Variants in ABCC1 observed in about 807,000 individuals in gnomAD.
ABCC1 encodes multidrug resistance-associated protein 1.
ABCC1 carries 83 observed loss-of-function variants against 172.9 expected under a neutral mutation model. That is an observed-to-expected ratio of 0.48 (90% confidence interval 0.40 to 0.58). The LOEUF (loss-of-function observed/expected upper bound fraction) is 0.58. ABCC1 is among the 20% of genes least tolerant of loss of function. The pLI is 0.00. For missense variants in ABCC1, 1,817 were observed against 2,002.7 expected (o/e 0.91, Z 1.77); for synonymous variants, 937 against 825.2 (o/e 1.14, Z -2.32).
chr16:16,104,989 G>A (rs943320983), intron 20 of ABCC1, among the ~76,000 whole-genome samples: 12 of 151,710 alleles, frequency 7.9e-5, no homozygotes, highest in Non-Finnish European at 1.6e-4. Context: ...GTGCAGCTCC[G>A]GTTCCCTCCC....
intron 7 of ABCC1, among the ~76,000 whole-genome samples, chr16:16,038,067 T>TGGATG (rs1241973617): frequency 2.7e-5 from 4 of 147,962 alleles, no homozygotes; most frequent in African/African-American, 1.0e-4. Context: ...GATGGATAGA[T>TGGATG]GATAGATAGA....
At chr16:16,122,484 T>C (rs2045212498) in intron 24 of ABCC1, among the ~76,000 whole-genome samples, 1 of 151,542 alleles carries the variant, frequency 6.6e-6, no homozygotes, top group Non-Finnish European at 1.5e-5. Flanking sequence ...GACTCTGCTA[T>C]TGAGTATCTT....
chr16:16,008,017 TGG>T, intron 2 of ABCC1, 25 bp downstream of exon 2: 1 of 482,704 alleles, frequency 2.1e-6, no homozygotes, highest in Non-Finnish European at 3.8e-6. Context: ...GGTTTCGTTG[TGG>T]GGGGTGGGAA....
Position 16,111,612 on chromosome 16 carries a change from A to AT in ABCC1, c.3079+33dup, listed in dbSNP as rs1567417828. The AT allele has an allele frequency of 8.2e-6, 13 of 1,589,696 alleles. No individual in the cohort carries two copies. The South Asian group carries it at 8.9e-5, about 11-fold the overall frequency. ...GTGCCGCTGTCTCCCACCCCGCCTG[A>AT]TTTGGGCCCCTGTTGTGGCTTTGTC... On this transcript the variant is annotated intron_variant, in intron 22 of 30. Transcript: ENST00000399410.
chr16:16,055,230 C>CA (rs572595909), intron 11 of ABCC1, among the ~76,000 whole-genome samples: 73 of 147,448 alleles, frequency 5.0e-4, no homozygotes, highest in Admixed American at 8.1e-4. Context: ...ATGATGTTTC[C>CA]AAAAAAAAAG....
chr16:16,089,581 G>C (rs1197319679), intron 18 of ABCC1, among the ~76,000 whole-genome samples: 1 of 151,316 alleles, frequency 6.6e-6, no homozygotes, highest in African/African-American at 2.4e-5. Flanking sequence ...AAAAAATTAA[G>C]CCATTGGGCT....
chr16:16,106,094 C>G (rs2052085612), intron 20 of ABCC1, among the ~76,000 whole-genome samples: 1 of 151,984 alleles, frequency 6.6e-6, no homozygotes, highest in Admixed American at 6.6e-5. Flanking sequence ...CCAGGCTAGT[C>G]TTGAACTCCT....
chr16:16,088,866 G>A (rs771725025), intron 18 of ABCC1, among the ~76,000 whole-genome samples: 3 of 152,006 alleles, frequency 2.0e-5, no homozygotes, highest in Non-Finnish European at 2.9e-5. Flanking sequence ...ACCATGCCTG[G>A]CTAATTTATT....
chr16:15,991,404 T>C (rs1190678322), intron 1 of ABCC1, among the ~76,000 whole-genome samples: 4 of 152,108 alleles, frequency 2.6e-5, no homozygotes, highest in Non-Finnish European at 5.9e-5. Context: ...ATTCTTGCAA[T>C]ATACATGAAA....
chr16:16,099,531 C>T (rs1185660496), intron 19 of ABCC1, among the ~76,000 whole-genome samples: 2 of 152,128 alleles, frequency 1.3e-5, no homozygotes, highest in Non-Finnish European at 2.9e-5. Flanking sequence ...GGAAGGATAC[C>T]AGGTAACTCA....
At chr16:16,031,426 C>T (rs983253930) in intron 5 of ABCC1, among the ~76,000 whole-genome samples, 1 of 152,182 alleles carries the variant, frequency 6.6e-6, no homozygotes, top group African/African-American at 2.4e-5. Context: ...TCCTTGCCTG[C>T]ATGTTGTTGA....
chr16:15,971,500 A>G (rs1226007295), intron 1 of ABCC1, among the ~76,000 whole-genome samples: 2 of 151,938 alleles, frequency 1.3e-5, no homozygotes, highest in African/African-American at 4.8e-5. Context: ...TTTCCCAAGG[A>G]CCCCTTTTCC....
intron 15 of ABCC1, among the ~76,000 whole-genome samples, chr16:16,078,380 C>G (rs1016688610): frequency 1.3e-5 from 2 of 152,086 alleles, no homozygotes; most frequent in African/African-American, 4.8e-5. Flanking sequence ...TTTTATTTTG[C>G]TTTCTGCTGT....
intron 30 of ABCC1, 84 bp from the exon 31 acceptor site, chr16:16,141,089 G>T: frequency 8.2e-7 from 1 of 1,223,152 alleles, no homozygotes; most frequent in Non-Finnish European, 1.2e-6. Flanking sequence ...ACCCGAAGCA[G>T]TGACTTGCCC....
At position 15,961,085 on chromosome 16, in the gene ABCC1, A is replaced by G. The variant is rs2046119920; in HGVS notation, c.48+11286A>G. 2.7e-5 allele frequency among the ~76,000 whole-genome samples: 4 copies of G among 150,446 alleles called. No homozygotes were observed. The South Asian group carries it at 6.3e-4, about 24-fold the overall frequency. ...GGTCTCGAACTCCTGGGCTCAAGCA[A>G]TCCACCCACCTTGGCCCTTCCATGT... is the stretch of plus-strand genomic sequence containing the variant. On this transcript the variant is annotated intron_variant, in intron 1 of 30. Transcript: ENST00000399410.
intron 1 of ABCC1, among the ~76,000 whole-genome samples, chr16:16,006,144 G>T (rs2047524220): frequency 6.6e-6 from 1 of 152,126 alleles, no homozygotes; most frequent in African/African-American, 2.4e-5. Context: ...AACCTATTTT[G>T]TACTTCTTAT....
chr16:16,042,238 CA>C (rs1381431982), intron 7 of ABCC1, among the ~76,000 whole-genome samples: 1 of 150,530 alleles, frequency 6.6e-6, no homozygotes, highest in Non-Finnish European at 1.5e-5. Flanking sequence ...CCTTCCCAGG[CA>C]TCCAGCCAAC....
In ABCC1 at chr16:16,078,295, C is replaced by G. The variant is rs576063325; in HGVS notation, c.1989-1057C>G. ...GGATGGAAACCCTGCTCTGGAGGTGCCGTCGGCAGTGGGAGTGGCCTGGGG... is the reference window on the plus strand; with the variant it reads ...GGATGGAAACCCTGCTCTGGAGGTGGCGTCGGCAGTGGGAGTGGCCTGGGG... On this transcript the variant is annotated intron_variant, in intron 15 of 30. Transcript: ENST00000399410. Among the ~76,000 whole-genome samples the G allele has an allele frequency of 6.6e-5, 10 of 152,324 alleles. No individual in the cohort carries two copies. In the South Asian group the frequency reaches 1.9e-3, roughly 28 times the overall value.
At chr16:16,058,851 T>TTACACTAGTGTAGAGAC (rs2049786598) in intron 12 of ABCC1, among the ~76,000 whole-genome samples, 2 of 152,268 alleles carry the variant, frequency 1.3e-5, no homozygotes. Flanking sequence ...AGATGGTGTT[T>TTACACTAGTGTAGAGAC]CACCATGTTG....
Sources: allele counts gnomAD v4.1 joint callset (sites outside exome capture counted in the v4.1 genomes callset), GRCh38; gene constraint gnomAD v4.1.1; transcripts MANE v1.5; gene names NCBI Gene and HGNC (gene_info 2026-07-23, HGNC 2026-07-21).